Variants in DBF4B observed in about 807,000 individuals in gnomAD.
The protein encoded by DBF4B is protein DBF4 homolog B.
Under a neutral mutation model 53.4 loss-of-function variants are expected in DBF4B, and 49 were observed. The observed-to-expected ratio is 0.92, with a 90% confidence interval of 0.73 to 1.16. The LOEUF is 1.16. Among genes scored for constraint, DBF4B ranks in the 50% most tolerant of loss-of-function variants. DBF4B has a pLI of 0.00. For missense variants in DBF4B, 692 were observed against 775.0 expected (o/e 0.89, Z 1.27); for synonymous variants, 257 against 288.7 (o/e 0.89, Z 1.11).
At chr17:44,743,715 A>C (rs1976307097) in intron 10 of DBF4B, among the ~76,000 whole-genome samples, 1 of 147,754 alleles carries the variant, frequency 6.8e-6, no homozygotes, top group Admixed American at 7.0e-5. Context: ...GGTTCACGCG[A>C]TTCTCCTCCC....
At chr17:44,732,526 C>T (rs1459893229) in intron 6 of DBF4B, 4 of 450,552 alleles carry the variant, frequency 8.9e-6, no homozygotes, top group Admixed American at 7.5e-5. Context: ...AGCTCTCCCC[C>T]AGCTAGTATG....
chr17:44,733,164 CA>C lies in DBF4B; in HGVS notation c.557-909del, dbSNP rs34958647. Reference sequence around the variant, plus strand: ...TGGGCGACAGAGCGAGACTCCGTCTCAAAAAAAAAAAAAAAAATTCATGGCC... The same window carrying C: ...TGGGCGACAGAGCGAGACTCCGTCTCAAAAAAAAAAAAAAAATTCATGGCC... On this transcript the variant is annotated intron_variant, in intron 6 of 13. Transcript: ENST00000315005. Among the ~76,000 whole-genome samples, 569 of 104,898 alleles carry C rather than the reference CA, an allele frequency of 5.4e-3. 1 individual carries two copies. The highest frequency in any genetic ancestry group is 0.013 in the African/African-American group (376 of 29,084). The allele number at this position is 104,898 out of a possible 152,430, so 68.8% of individuals were successfully genotyped here. A position where few individuals can be genotyped will look rare whatever the true frequency, so the allele number is the denominator to read the frequency against.
intron 9 of DBF4B, among the ~76,000 whole-genome samples, chr17:44,740,338 CAA>C (rs2145073666): frequency 6.6e-6 from 1 of 152,300 alleles, no homozygotes; most frequent in Non-Finnish European, 1.5e-5. Flanking sequence ...CCATTGCAAC[CAA>C]ACATGGTGCA....
chr17:44,751,052 A>T lies in DBF4B; in HGVS notation c.1647A>T (p.Thr549=), dbSNP rs566345362. The T allele has an allele frequency of 6.8e-6, 11 of 1,614,028 alleles. No homozygotes were observed. The East Asian group carries it at 2.5e-4, about 36-fold the overall frequency. ...TTGGATACCTTTACCTGCTGCTCACACAAAGCCTGTGGTGCCGGGTTCGGG... is the reference window on the plus strand; with the variant it reads ...TTGGATACCTTTACCTGCTGCTCACTCAAAGCCTGTGGTGCCGGGTTCGGG... ...LRLGYLYLLL[T]QSLWCRVRVP... Residue 549 remains threonine (T), a synonymous_variant, in exon 14 of 14, where the codon ACA becomes ACT. Coordinates refer to ENST00000315005, the MANE Select transcript of DBF4B (RefSeq NM_145663.3).
At chr17:44,709,170 C>A in intron 1 of DBF4B, 134 bp from the exon 2 acceptor site, 2 of 1,145,360 alleles carry the variant, frequency 1.7e-6, no homozygotes, top group Non-Finnish European at 2.6e-6. Flanking sequence ...GGATGTAGGT[C>A]GGAATGGAGT....
Position 44,751,156 on chromosome 17 carries a change from A to C in DBF4B, c.1751A>C (p.Asp584Ala), listed in dbSNP as rs1192364178. 3 of 1,613,906 alleles carry C rather than the reference A, an allele frequency of 1.9e-6. No individual in the cohort carries two copies. The highest frequency in any genetic ancestry group is 2.5e-6 in the Non-Finnish European group (3 of 1,180,024). Residue 584 changes from aspartate (D) to alanine (A), a missense_variant, in exon 14 of 14, where the codon GAT (aspartate) becomes GCT (alanine). Physicochemically the swap from Asp to Ala is moderately radical, Grantham distance 126. This residue lies in a region of DBF4B where 597 missense variants were observed against 665.8 expected (regional missense o/e 0.90). Coordinates refer to ENST00000315005, the MANE Select transcript of DBF4B (RefSeq NM_145663.3). ...CTLAFPSYLN[D>A]HDLGHLCQAK... The stretch of plus-strand genomic sequence containing the variant: ...CTTGCCTTCCCCTCCTATCTCAATG[A>C]TCATGACCTTGGACATCTCTGCCAG...
intron 2 of DBF4B, among the ~76,000 whole-genome samples, chr17:44,721,462 G>A (rs1482897125): frequency 6.6e-6 from 1 of 151,976 alleles, no homozygotes; most frequent in Non-Finnish European, 1.5e-5. Flanking sequence ...CAAGTAATGT[G>A]CCCACCTCGG....
intron 3 of DBF4B, among the ~76,000 whole-genome samples, chr17:44,723,307 T>C (rs1974016206): frequency 6.6e-6 from 1 of 152,044 alleles, no homozygotes; most frequent in African/African-American, 2.4e-5. Context: ...GGGTTTCACC[T>C]TGTTGGCCAG....
chr17:44,746,217 G>A (rs542874846), intron 10 of DBF4B, among the ~76,000 whole-genome samples: 1 of 134,772 alleles, frequency 7.4e-6, no homozygotes, highest in South Asian at 2.4e-4. Context: ...GGGTGACAGA[G>A]CGATACTCCA....
chr17:44,712,687 C>A (rs1290211058), intron 2 of DBF4B, among the ~76,000 whole-genome samples: 2 of 151,514 alleles, frequency 1.3e-5, no homozygotes, highest in South Asian at 2.1e-4. Context: ...GATCTGCCCT[C>A]CTCAGCCTCC....
At chr17:44,738,999 C>G (rs987100386) in intron 9 of DBF4B, among the ~76,000 whole-genome samples, 1 of 152,214 alleles carries the variant, frequency 6.6e-6, no homozygotes, top group African/African-American at 2.4e-5. Flanking sequence ...ATGGGGAAAA[C>G]TGAGGTCAGA....
Position 44,751,305 on chromosome 17 carries a change from G to C in DBF4B, c.*52G>C. 6.4e-7 allele frequency: 1 copy of C among 1,567,174 alleles called. No individual in the cohort carries two copies. The highest frequency in any genetic ancestry group is 8.6e-7 in the Non-Finnish European group (1 of 1,157,622). On this transcript the variant is annotated 3_prime_UTR_variant, in exon 14 of 14. Coordinates refer to ENST00000315005, the MANE Select transcript of DBF4B (RefSeq NM_145663.3). ...GACCCAGGATGGATGGGTGCTGCTT[G>C]ATGTGAATGAGGTCCCGCAGTGGCT...
intron 9 of DBF4B, among the ~76,000 whole-genome samples, chr17:44,738,714 TG>T (rs1975708972): frequency 6.6e-6 from 1 of 152,230 alleles, no homozygotes; most frequent in Non-Finnish European, 1.5e-5. Flanking sequence ...TATGAGCTCA[TG>T]GTGTCCCATG....
At chr17:44,746,053 CAAAAA>C (rs61654485) in intron 10 of DBF4B, among the ~76,000 whole-genome samples, 19 of 110,650 alleles carry the variant, frequency 1.7e-4, no homozygotes, top group African/African-American at 3.8e-4. Context: ...ACTAAAAATA[CAAAAA>C]AAAAAAAAAA....
chr17:44,713,900 C>T (rs1245211866), intron 2 of DBF4B, among the ~76,000 whole-genome samples: 1 of 151,460 alleles, frequency 6.6e-6, no homozygotes, highest in Non-Finnish European at 1.5e-5. Flanking sequence ...GATCTCCCCT[C>T]GTTATTCTGT....
chr17:44,750,068 C>T (rs1457968838), intron 13 of DBF4B: 4 of 999,490 alleles, frequency 4.0e-6, no homozygotes, highest in African/African-American at 3.5e-5. Flanking sequence ...CCTTCTCTGC[C>T]TCCTCAGCTT....
intron 10 of DBF4B, 35 bp from the exon 11 acceptor site, chr17:44,747,048 A>G (rs764488868): frequency 5.6e-6 from 9 of 1,596,904 alleles, no homozygotes; most frequent in Non-Finnish European, 7.7e-6. Flanking sequence ...GGGCCCCAGC[A>G]GTAACCACTT....
At chr17:44,709,079 C>A in intron 1 of DBF4B, 1 of 790,424 alleles carries the variant, frequency 1.3e-6, no homozygotes, top group Non-Finnish European at 2.1e-6. Context: ...CAGGAGGTGG[C>A]CAAGAGGTCA....
Position 44,750,812 on chromosome 17 carries a change from T to A in DBF4B, c.1407T>A (p.Pro469=), listed in dbSNP as rs752614247. Residue 469 remains proline, a synonymous_variant, in exon 14 of 14, where the codon CCT becomes CCA. Coordinates refer to ENST00000315005, the MANE Select transcript of DBF4B (RefSeq NM_145663.3). ...SLALLPGEWS[P]AEDMPLHPSQ... ...CTCTGCTGCCTGGGGAGTGGTCGCC[T>A]GCAGAGGACATGCCCCTCCATCCCT... 3.0e-5 allele frequency: 48 copies of A among 1,614,090 alleles called. No homozygotes were observed. The Admixed American group carries it at 6.7e-4, about 22-fold the overall frequency.
Sources: gnomAD v4.1 joint callset for allele counts (sites outside exome capture counted in the v4.1 genomes callset) on GRCh38, gnomAD v4.1.1 for gene constraint, gnomAD v4.1.1 regional missense constraint, MANE v1.5 for transcripts, NCBI Gene and HGNC (gene_info 2026-07-23, HGNC 2026-07-21) for gene names.